Variants in KYAT3 observed in about 807,000 individuals in gnomAD.
The protein encoded by KYAT3 is kynurenine--oxoglutarate transaminase 3.
Under a neutral mutation model 59.0 loss-of-function variants are expected in KYAT3, and 50 were observed. The ratio of observed to expected loss-of-function variants is 0.85; its 90% confidence interval spans 0.68 to 1.07. The LOEUF is 1.07. KYAT3 is among the 50% of genes least tolerant of loss of function. The probability of loss-of-function intolerance (pLI) is 0.00; values close to 1 mark genes in which losing one functional copy is unlikely to be tolerated. For missense variants in KYAT3, 497 were observed against 533.3 expected (o/e 0.93, Z 0.67); for synonymous variants, 148 against 177.0 (o/e 0.84, Z 1.30).
chr1:88,984,574 G>T (rs955339690), intron 2 of KYAT3, among the ~76,000 whole-genome samples: 46 of 152,342 alleles, frequency 3.0e-4, no homozygotes, highest in African/African-American at 1.1e-3. Flanking sequence ...ATTTGTGCCT[G>T]ATACGCTGTA....
chr1:88,922,418 T>C, the KYAT3 span, among the ~76,000 whole-genome samples: 1 of 152,182 alleles, frequency 6.6e-6, no homozygotes, highest in Admixed American at 6.5e-5. Flanking sequence ...GGTGGCAGAC[T>C]GGTACCAGCT....
the KYAT3 span, among the ~76,000 whole-genome samples, chr1:88,922,070 G>C: frequency 6.6e-6 from 1 of 152,100 alleles, no homozygotes; most frequent in Admixed American, 6.5e-5. Context: ...CTGAGGGCTG[G>C]GCATGGTGGC....
At chr1:88,932,606 C>G (rs966667404), downstream of KYAT3, among the ~76,000 whole-genome samples, 1 of 152,072 alleles carries the variant, frequency 6.6e-6, no homozygotes, top group South Asian at 2.1e-4. Flanking sequence ...CAATCCTCCC[C>G]CTCAGTCTCC....
At chr1:88,937,508 C>T (rs144399209) in intron 13 of KYAT3, among the ~76,000 whole-genome samples, 1 of 151,986 alleles carries the variant, frequency 6.6e-6, no homozygotes, top group Non-Finnish European at 1.5e-5. Context: ...CACTGTACTA[C>T]AAAATAAAAA....
intron 1 of KYAT3, among the ~76,000 whole-genome samples, chr1:88,991,260 G>A (rs752183186): frequency 2.0e-5 from 3 of 152,182 alleles, no homozygotes; most frequent in Non-Finnish European, 4.4e-5. Flanking sequence ...TAAATCCTAA[G>A]AAACTTAAAG....
rs71084932 is a variant in KYAT3 at position 88,974,469 on chromosome 1, C to CTTTT, written c.100-5006_100-5003dup. ...TTGCAATGCATTTTGGTGTCTCTCT[C>CTTTT]TTTTTTTTTTTTTTTTTTTTTTTTG... On this transcript the variant is annotated intron_variant, in intron 2 of 13. Transcript: ENST00000260508. Among the ~76,000 whole-genome samples the CTTTT allele has an allele frequency of 1.7e-3, 121 of 69,676 alleles. 2 individuals carry two copies. Among genetic ancestry groups the CTTTT allele is most frequent in the Non-Finnish European group, 2.2e-3 (85 of 39,446 alleles). The allele number at this position is 69,676 out of a possible 152,430, so 45.7% of individuals were successfully genotyped here.
chr1:88,963,632 T>C (rs1676231110), intron 5 of KYAT3, among the ~76,000 whole-genome samples: 1 of 152,218 alleles, frequency 6.6e-6, no homozygotes. Flanking sequence ...GTCACTACCA[T>C]AGTGTTCCTC....
At chr1:88,927,551 C>T in the KYAT3 span, among the ~76,000 whole-genome samples, 1 of 152,094 alleles carries the variant, frequency 6.6e-6, no homozygotes, top group African/African-American at 2.4e-5. Context: ...CAGTGTCCCC[C>T]TGACTCCTTC....
chr1:88,977,493 T>C (rs1676838331), intron 2 of KYAT3, among the ~76,000 whole-genome samples: 1 of 151,106 alleles, frequency 6.6e-6, no homozygotes, highest in Non-Finnish European at 1.5e-5. Flanking sequence ...TGAGCCACTG[T>C]GCCCTTCCTT....
At position 88,986,601 on chromosome 1, in the gene KYAT3, C is replaced by T. The variant is rs567963646; in HGVS notation, c.99+1651G>A. Among the ~76,000 whole-genome samples, 236 of 152,122 alleles carry T rather than the reference C, an allele frequency of 1.6e-3. 1 individual carries two copies. The highest frequency in any genetic ancestry group is 1.5e-3 in the Non-Finnish European group (103 of 67,976). ...GCCACTGCGCCCCGCCTACATTTTT[C>T]CTTTAGCATTCAAAACATTCTTTAA... On this transcript the variant is annotated intron_variant, in intron 2 of 13. Coordinates refer to ENST00000260508, the MANE Select transcript of KYAT3 (RefSeq NM_001008661.3).
chr1:88,991,536 T>C (rs1479339835), intron 1 of KYAT3, among the ~76,000 whole-genome samples: 3 of 152,156 alleles, frequency 2.0e-5, no homozygotes, highest in African/African-American at 7.2e-5. Flanking sequence ...CAACAGAGGG[T>C]ATCTAGACGG....
At chr1:88,932,826 A>G (rs1213077260), downstream of KYAT3, among the ~76,000 whole-genome samples, 1 of 152,134 alleles carries the variant, frequency 6.6e-6, no homozygotes, top group Non-Finnish European at 1.5e-5. Context: ...AAAAAATGGA[A>G]CAACACCCTG....
chr1:88,963,087 G>T (rs1676210874), intron 5 of KYAT3, among the ~76,000 whole-genome samples: 1 of 151,916 alleles, frequency 6.6e-6, no homozygotes, highest in South Asian at 2.1e-4. Context: ...ACTGAGAGAG[G>T]CTTATAATGA....
At chr1:88,936,974 G>C (rs920144773) in intron 13 of KYAT3, among the ~76,000 whole-genome samples, 2 of 152,228 alleles carry the variant, frequency 1.3e-5, no homozygotes, top group African/African-American at 4.8e-5. Context: ...ACTGCAGCCA[G>C]AGTGGAGTGA....
At chr1:88,943,232 C>T (rs1209169353) in intron 12 of KYAT3, 118 bp downstream of exon 12, 24 of 986,444 alleles carry the variant, frequency 2.4e-5, no homozygotes, top group Non-Finnish European at 3.6e-5. Flanking sequence ...TTAAAAGCCA[C>T]AAGTGGAGTA....
chr1:88,929,169 C>G, the KYAT3 span, among the ~76,000 whole-genome samples: 1 of 152,072 alleles, frequency 6.6e-6, no homozygotes, highest in Non-Finnish European at 1.5e-5. Context: ...AACAAGGACT[C>G]CAAAAGATTG....
chr1:88,954,118 G>A (rs559749050), intron 9 of KYAT3, among the ~76,000 whole-genome samples: 26 of 151,996 alleles, frequency 1.7e-4, no homozygotes, highest in Middle Eastern at 3.4e-3. Context: ...GGCTGGTTGA[G>A]AACTCCTGAC....
At chr1:88,952,500 A>G (rs969763872) in intron 10 of KYAT3, among the ~76,000 whole-genome samples, 1 of 152,010 alleles carries the variant, frequency 6.6e-6, no homozygotes, top group Non-Finnish European at 1.5e-5. Context: ...CGGTTGTTTA[A>G]AAGTGTGTTG....
At chr1:88,988,612 T>TA (rs958097604) in intron 1 of KYAT3, among the ~76,000 whole-genome samples, 1 of 152,140 alleles carries the variant, frequency 6.6e-6, no homozygotes, top group Non-Finnish European at 1.5e-5. Flanking sequence ...TATTCTTAAT[T>TA]AAAAAAATAA....
Sources: gnomAD v4.1 joint callset for allele counts (sites outside exome capture counted in the v4.1 genomes callset) on GRCh38, gnomAD v4.1.1 for gene constraint, MANE v1.5 for transcripts, NCBI Gene and HGNC (gene_info 2026-07-23, HGNC 2026-07-21) for gene names.